Variants in MS4A4E observed in about 807,000 individuals in gnomAD.
MS4A4E encodes putative membrane-spanning 4-domains subfamily A member 4E.
A neutral mutation model predicts 13.3 loss-of-function variants in MS4A4E; 23 were observed. The ratio of observed to expected loss-of-function variants is 1.73; its 90% confidence interval spans 1.25 to 2.45. The LOEUF is 2.45. Among genes scored for constraint, MS4A4E ranks in the 30% most tolerant of loss-of-function variants. The pLI is 0.00. For missense variants in MS4A4E, 144 were observed against 131.2 expected (o/e 1.10, Z -0.48); for synonymous variants, 36 against 45.6 (o/e 0.79, Z 0.85).
chr11:60,237,036 A>T (rs7949128), intron 1 of MS4A4E, among the ~76,000 whole-genome samples: 2,048 of 152,134 alleles, frequency 0.013, 49 homozygotes, highest in African/African-American at 0.046. Context: ...GCGCCCAACC[A>T]TATCACCCAT....
At chr11:60,224,917 C>A in intron 3 of MS4A4E, 1 of 1,381,238 alleles carries the variant, frequency 7.2e-7, no homozygotes, top group Non-Finnish European at 9.5e-7. Context: ...AGGGTATTTA[C>A]ACCTCTATTA....
intron 3 of MS4A4E, among the ~76,000 whole-genome samples, chr11:60,220,328 T>A (rs992385169): frequency 2.6e-5 from 4 of 152,344 alleles, no homozygotes; most frequent in African/African-American, 9.6e-5. Flanking sequence ...CTTGAGCAAA[T>A]TAACCCATCT....
At chr11:60,241,052 C>T (rs948506715) in intron 1 of MS4A4E, among the ~76,000 whole-genome samples, 7 of 152,118 alleles carry the variant, frequency 4.6e-5, no homozygotes, top group African/African-American at 1.7e-4. Flanking sequence ...GAGGCGGAGT[C>T]TCGCTCTGTT....
At chr11:60,208,762 C>G in intron 5 of MS4A4E, 68 bp from the exon 6 acceptor site, 1 of 677,880 alleles carries the variant, frequency 1.5e-6, no homozygotes, top group Non-Finnish European at 2.4e-6. Flanking sequence ...TTCCCAGCAA[C>G]CACAGTGTCA....
chr11:60,238,422 A>C (rs1315911130), intron 1 of MS4A4E, among the ~76,000 whole-genome samples: 1 of 152,008 alleles, frequency 6.6e-6, no homozygotes, highest in African/African-American at 2.4e-5. Context: ...CTTCATAAAA[A>C]TTTGACCATT....
In MS4A4E at chr11:60,228,642, T is replaced by C; in HGVS notation, c.145-15A>G. ...CCACACAAAACCTGCACACAGATAT[T>C]TATAGCAACGTTACTCCTAATTGCC... On this transcript the variant is annotated splice_polypyrimidine_tract_variant and intron_variant, in intron 2 of 8. Transcript: ENST00000651255. 1.4e-6 allele frequency: 1 copy of C among 696,736 alleles called. No homozygotes were observed. Among genetic ancestry groups the C allele is most frequent in the East Asian group, 2.7e-5 (1 of 37,098 alleles). 43.2% of individuals were successfully genotyped at this position (696,736 alleles called of 1,614,324 possible).
chr11:60,202,942 T>C, intron 8 of MS4A4E, among the ~76,000 whole-genome samples: 1 of 152,332 alleles, frequency 6.6e-6, no homozygotes, highest in South Asian at 2.1e-4. Flanking sequence ...TGGTATTAAA[T>C]TTGAAACAGT....
intron 1 of MS4A4E, among the ~76,000 whole-genome samples, chr11:60,236,524 A>G (rs1277066955): frequency 6.6e-6 from 1 of 151,914 alleles, no homozygotes; most frequent in Admixed American, 6.6e-5. Flanking sequence ...ATTTTGATAA[A>G]TTTTGTTCTA....
chr11:60,231,273 AT>A (rs1412340447), intron 1 of MS4A4E, among the ~76,000 whole-genome samples: 4 of 151,910 alleles, frequency 2.6e-5, no homozygotes, highest in Non-Finnish European at 5.9e-5. Context: ...AAAATTACAA[AT>A]TATAAAATAA....
At chr11:60,206,290 G>T (rs1332817391) in intron 6 of MS4A4E, among the ~76,000 whole-genome samples, 1 of 151,470 alleles carries the variant, frequency 6.6e-6, no homozygotes, top group Admixed American at 6.6e-5. Context: ...AATCTTATTT[G>T]CCAGTTTAAT....
intron 3 of MS4A4E, 122 bp downstream of exon 3, chr11:60,228,472 C>G (rs182119190): frequency 3.6e-6 from 2 of 547,990 alleles, no homozygotes; most frequent in African/African-American, 3.8e-5. Flanking sequence ...TGTAGAACAG[C>G]AGGAACTCTC....
chr11:60,225,089 A>C (rs1321270393), intron 3 of MS4A4E: 4 of 1,547,978 alleles, frequency 2.6e-6, no homozygotes, highest in Admixed American at 1.8e-5. Context: ...CAGAATCCGC[A>C]CAACCTAGAA....
chr11:60,221,911 G>A lies in MS4A4E; in HGVS notation c.178+6683C>T, dbSNP rs11826511. On this transcript the variant is annotated intron_variant, in intron 3 of 8. Coordinates refer to ENST00000651255, the MANE Select transcript of MS4A4E (RefSeq NM_001393391.1). Reference sequence around the variant, plus strand: ...TGACTCATTCTATGGACACCAGTCAGCCTCTTTCTCCAGCCACCCCTGTCA... The same window carrying A: ...TGACTCATTCTATGGACACCAGTCAACCTCTTTCTCCAGCCACCCCTGTCA... Among the ~76,000 whole-genome samples the A allele has an allele frequency of 1.7e-3, 258 of 152,316 alleles. 1 individual carries two copies. Among genetic ancestry groups the A allele is most frequent in the African/African-American group, 5.9e-3 (247 of 41,566 alleles).
At chr11:60,224,693 G>A (rs2084318523) in intron 3 of MS4A4E, among the ~76,000 whole-genome samples, 1 of 152,188 alleles carries the variant, frequency 6.6e-6, no homozygotes, top group Non-Finnish European at 1.5e-5. Context: ...AACAATCAGT[G>A]CTTTCATTGC....
chr11:60,231,421 C>CATCT (rs2084410414), intron 1 of MS4A4E, among the ~76,000 whole-genome samples: 2 of 152,034 alleles, frequency 1.3e-5, no homozygotes, highest in Admixed American at 1.3e-4. Context: ...ATTCTTATCT[C>CATCT]ATCTAGAAAA....
At chr11:60,240,837 A>G (rs1217535070) in intron 1 of MS4A4E, among the ~76,000 whole-genome samples, 1 of 152,086 alleles carries the variant, frequency 6.6e-6, no homozygotes, top group Non-Finnish European at 1.5e-5. Flanking sequence ...CTCAGACACC[A>G]TTCTCCTACA....
At chr11:60,205,121 C>T (rs1590702070) in intron 7 of MS4A4E, among the ~76,000 whole-genome samples, 163 bp from the exon 8 acceptor site, 1 of 152,154 alleles carries the variant, frequency 6.6e-6, no homozygotes, top group African/African-American at 2.4e-5. Context: ...AAATTCAATA[C>T]TTTTTATCTT....
intron 1 of MS4A4E, among the ~76,000 whole-genome samples, chr11:60,235,852 T>C (rs2084476592): frequency 6.6e-6 from 1 of 152,186 alleles, no homozygotes; most frequent in African/African-American, 2.4e-5. Context: ...GATGCTAAAG[T>C]CTACATATAG....
intron 5 of MS4A4E, chr11:60,208,932 T>A: frequency 4.3e-6 from 1 of 234,412 alleles, no homozygotes; most frequent in Non-Finnish European, 8.3e-6. Flanking sequence ...AGTGCTATTG[T>A]GGGCATGGAA....
Sources: gnomAD v4.1 joint callset for allele counts (sites outside exome capture counted in the v4.1 genomes callset) on GRCh38, gnomAD v4.1.1 for gene constraint, MANE v1.5 for transcripts, NCBI Gene and HGNC (gene_info 2026-07-23, HGNC 2026-07-21) for gene names.